Variants in PPM1L observed in about 807,000 individuals in gnomAD.
PPM1L encodes the protein protein phosphatase, Mg2+/Mn2+ dependent 1L.
In PPM1L, 13 loss-of-function variants were observed where a neutral mutation model predicts 31.4. The ratio of observed to expected loss-of-function variants is 0.41; its 90% CI spans 0.27 to 0.66. The LOEUF (loss-of-function observed/expected upper bound fraction) is 0.66, where lower values mean the gene tolerates loss of function less well. PPM1L is among the 30% of genes least tolerant of loss of function. The pLI is 0.29. For missense variants in PPM1L, 326 were observed against 453.7 expected, an observed-to-expected ratio of 0.72 and a Z score of 2.56; for synonymous variants, 184 against 175.4, an observed-to-expected ratio of 1.05 and a Z score of -0.39.
intron 1 of PPM1L, among the ~76,000 whole-genome samples, chr3:160,767,383 G>C (rs936632977): frequency 6.6e-6 from 1 of 152,004 alleles, no homozygotes; most frequent in African/African-American, 2.4e-5. Context: ...ACAGGCGTGT[G>C]CCACCATGCC....
chr3:160,865,558 C>T (rs1259477689), intron 1 of PPM1L, among the ~76,000 whole-genome samples: 1 of 152,124 alleles, frequency 6.6e-6, no homozygotes, highest in African/African-American at 2.4e-5. Context: ...GGGCAGATCA[C>T]GAGGTCAAGA....
At chr3:161,013,117 G>T (rs1392359132) in intron 2 of PPM1L, among the ~76,000 whole-genome samples, 1 of 152,098 alleles carries the variant, frequency 6.6e-6, no homozygotes, top group Non-Finnish European at 1.5e-5. Context: ...TGTGATGTTA[G>T]GGTGTCAATT....
chr3:160,826,378 T>G (rs1424036638), intron 1 of PPM1L, among the ~76,000 whole-genome samples: 1 of 152,176 alleles, frequency 6.6e-6, no homozygotes, highest in African/African-American at 2.4e-5. Flanking sequence ...GCTATTTGTT[T>G]TAACTTTTTC....
At chr3:160,873,001 G>A (rs1712370009) in intron 1 of PPM1L, among the ~76,000 whole-genome samples, 1 of 152,188 alleles carries the variant, frequency 6.6e-6, no homozygotes, top group Admixed American at 6.5e-5. Flanking sequence ...AAGTAACTTT[G>A]TATTCAGAAG....
chr3:160,949,385 G>T (rs865956320), intron 1 of PPM1L, among the ~76,000 whole-genome samples: 1 of 152,140 alleles, frequency 6.6e-6, no homozygotes, highest in Non-Finnish European at 1.5e-5. Context: ...TTTATCATGA[G>T]ATACAACAGG....
intron 1 of PPM1L, among the ~76,000 whole-genome samples, chr3:160,793,408 G>T (rs1388703246): frequency 1.3e-5 from 2 of 152,006 alleles, no homozygotes; most frequent in African/African-American, 2.4e-5. Context: ...GAGGGACTTT[G>T]ATAATTGAAG....
intron 2 of PPM1L, among the ~76,000 whole-genome samples, chr3:160,992,455 T>G (rs761375129): frequency 2.6e-5 from 4 of 152,130 alleles, no homozygotes; most frequent in Non-Finnish European, 5.9e-5. Flanking sequence ...AGAAATTCAA[T>G]TCAAACTAGC....
chr3:160,798,510 G>T (rs764025339), intron 1 of PPM1L, among the ~76,000 whole-genome samples: 20 of 152,104 alleles, frequency 1.3e-4, no homozygotes, highest in African/African-American at 4.6e-4. Context: ...TTATGCTCTC[G>T]AAATGGAACA....
intron 2 of PPM1L, among the ~76,000 whole-genome samples, chr3:161,014,872 CAT>C (rs1160226636): frequency 6.6e-6 from 1 of 152,134 alleles, no homozygotes; most frequent in Admixed American, 6.6e-5. Context: ...TGGGGGGAGT[CAT>C]ATTGTAACAC....
At chr3:161,013,621 G>A (rs994966791) in intron 2 of PPM1L, among the ~76,000 whole-genome samples, 2 of 152,084 alleles carry the variant, frequency 1.3e-5, no homozygotes, top group African/African-American at 2.4e-5. Flanking sequence ...GTTGACAGTG[G>A]GGGGTTAAAG....
chr3:160,799,162 C>T (rs749843893), intron 1 of PPM1L, among the ~76,000 whole-genome samples: 5 of 152,166 alleles, frequency 3.3e-5, no homozygotes, highest in Non-Finnish European at 7.4e-5. Flanking sequence ...GTTGAAATGA[C>T]AACAAAGGAT....
At chr3:160,926,367 G>A (rs1184859454) in intron 1 of PPM1L, among the ~76,000 whole-genome samples, 1 of 152,188 alleles carries the variant, frequency 6.6e-6, no homozygotes, top group Non-Finnish European at 1.5e-5. Flanking sequence ...GAAAATGAAT[G>A]CAGTGAGAAG....
chr3:160,938,535 T>A (rs1715053879), intron 1 of PPM1L, among the ~76,000 whole-genome samples: 1 of 152,256 alleles, frequency 6.6e-6, no homozygotes, highest in Non-Finnish European at 1.5e-5. Flanking sequence ...ATTTCCAGAT[T>A]ATATAGGCTT....
chr3:160,887,617 G>A (rs561531750), intron 1 of PPM1L, among the ~76,000 whole-genome samples: 1 of 137,940 alleles, frequency 7.2e-6, no homozygotes, highest in African/African-American at 2.7e-5. Context: ...GTCTCGCTCT[G>A]TCACCCACGC....
At chr3:160,824,003 C>T (rs1713281187) in intron 1 of PPM1L, among the ~76,000 whole-genome samples, 1 of 152,098 alleles carries the variant, frequency 6.6e-6, no homozygotes, top group Admixed American at 6.6e-5. Context: ...ACAAAGTTCT[C>T]ACTGAATTTC....
Position 160,768,755 on chromosome 3 carries a change from G to A in PPM1L, c.399+12048G>A, listed in dbSNP as rs144754313. On this transcript the variant is annotated intron_variant, in intron 1 of 3. Transcript: ENST00000498165. The stretch of plus-strand genomic sequence containing the variant: ...GTACATTATTGGGAAGTTTTTGGTT[G>A]CAAGTGACAGAAAACTCAAGTGGAA... Among the ~76,000 whole-genome samples the A allele has an allele frequency of 4.8e-3, 724 of 152,164 alleles. 10 individuals carry two copies. Among genetic ancestry groups the A allele is most frequent in the African/African-American group, 0.016 (682 of 41,506 alleles).
rs575599151 is a variant in PPM1L, at chr3:160,816,010, C to T, written c.399+59303C>T. ...TGATTTACCTGAAAGTCACCTTATA[C>T]TCCTTTTCTATTTTTTGCATTCTTG... On this transcript the variant is annotated intron_variant, in intron 1 of 3. Transcript: ENST00000498165. Among the ~76,000 whole-genome samples, 9 of 152,254 alleles carry T rather than the reference C, an allele frequency of 5.9e-5. No homozygotes were observed. In the East Asian group the frequency reaches 1.5e-3, roughly 26 times the overall value.
intron 2 of PPM1L, among the ~76,000 whole-genome samples, chr3:161,044,451 A>G (rs1446283204): frequency 6.6e-6 from 1 of 151,822 alleles, no homozygotes; most frequent in African/African-American, 2.4e-5. Flanking sequence ...CCAAAATTCA[A>G]AATTTTCTGA....
At chr3:161,033,437 A>G (rs1214807884) in intron 2 of PPM1L, among the ~76,000 whole-genome samples, 1 of 152,208 alleles carries the variant, frequency 6.6e-6, no homozygotes, top group Non-Finnish European at 1.5e-5. Context: ...CTGACTTCAA[A>G]CTATACTACA....
Sources: gnomAD v4.1 joint callset for allele counts (sites outside exome capture counted in the v4.1 genomes callset) on GRCh38, gnomAD v4.1.1 for gene constraint, MANE v1.5 for transcripts, NCBI Gene and HGNC (gene_info 2026-07-23, HGNC 2026-07-21) for gene names.